Variants in BRF1 observed in about 807,000 individuals in gnomAD.
BRF1 encodes the protein BRF1 general transcription factor IIIB subunit.
BRF1 carries 59 observed loss-of-function variants against 81.7 expected under a neutral mutation model. The ratio of observed to expected loss-of-function variants is 0.72; its 90% CI spans 0.59 to 0.90. The LOEUF is 0.90. Ranked by LOEUF, BRF1 falls within the 40% of genes least tolerant of loss-of-function variation. The pLI is 0.00. For missense variants in BRF1, 1,050 were observed against 936.3 expected (o/e 1.12, Z -1.58); for synonymous variants, 491 against 395.6 (o/e 1.24, Z -2.86).
rs587675129 is a variant in BRF1 at position 105,315,113 on chromosome 14, C to T, written c.-162+209G>A. ...TCCTGGCCGCGGCCTCTGCGCGCCC[C>T]ATCCCCGGCCCGGGTCCCCCAGCGG... On this transcript the variant is annotated intron_variant, in intron 1 of 17. Coordinates refer to the BRF1 transcript ENST00000327359. This position sits in a 1 kb window ranked among gnomAD's most constrained non-coding sequence, Gnocchi z 4.4. The T allele has an allele frequency of 9.3e-5, 86 of 927,616 alleles. No homozygotes were observed. The African/African-American group carries it at 1.2e-3, about 13-fold the overall frequency. 57.5% of individuals were successfully genotyped at this position (927,616 alleles called of 1,614,324 possible).
chr14:105,288,253 G>GAT (rs1046115536), intron 1 of BRF1, among the ~76,000 whole-genome samples: 6 of 151,770 alleles, frequency 4.0e-5, no homozygotes, highest in African/African-American at 1.2e-4. Context: ...AGGAGATCGA[G>GAT]ACCATCTTGG....
rs587727567 is a variant in BRF1 at position 105,245,365 on chromosome 14, AAAAT to A, written c.545-3955_545-3952del. ...GACAGAGCAAGACTCCATCTCAAAA[AAAAT>A]AAATAAATAAATAAAGGAAGCAATG... On this transcript the variant is annotated intron_variant, in intron 5 of 17. Transcript: ENST00000547530. 3.0e-4 allele frequency among the ~76,000 whole-genome samples: 46 copies of A among 152,264 alleles called. No homozygotes were observed. The South Asian group carries it at 3.3e-3, about 11-fold the overall frequency.
intron 16 of BRF1, 41 bp downstream of exon 16, chr14:105,212,072 C>G: frequency 6.2e-7 from 1 of 1,606,316 alleles, no homozygotes; most frequent in South Asian, 1.1e-5. Flanking sequence ...AGTGGGCTGC[C>G]TCCCAAGGTC....
chr14:105,256,274 C>A, intron 4 of BRF1: 1 of 1,545,674 alleles, frequency 6.5e-7, no homozygotes. Flanking sequence ...AACACCCAAC[C>A]GTGCCCAGCA....
intron 1 of BRF1, among the ~76,000 whole-genome samples, chr14:105,291,518 C>T (rs1208630971): frequency 7.1e-6 from 1 of 140,784 alleles, no homozygotes; most frequent in Non-Finnish European, 1.6e-5. Context: ...TCTACTAAAA[C>T]ATACAAAAAA....
At chr14:105,254,638 T>C (rs1429202245) in intron 4 of BRF1, among the ~76,000 whole-genome samples, 2 of 152,146 alleles carry the variant, frequency 1.3e-5, no homozygotes, top group East Asian at 3.9e-4. Context: ...CGTGACTCAC[T>C]GCAACCTCCA....
chr14:105,256,181 C>A, intron 4 of BRF1: 3 of 1,525,366 alleles, frequency 2.0e-6, no homozygotes, highest in Non-Finnish European at 2.6e-6. Flanking sequence ...CTATACCAAA[C>A]TAGGTACTCA....
Position 105,211,956 on chromosome 14 carries a change from C to T in BRF1, c.1824+157G>A, listed in dbSNP as rs1890185032. On this transcript the variant is annotated intron_variant, in intron 16 of 17. Transcript: ENST00000547530. ...CAACCGGGAGCTCCCACCCTCGGGC[C>T]TCGATTCTCTGGCCATGCCAGGCAA... 7 of 1,145,770 alleles carry T rather than the reference C, an allele frequency of 6.1e-6. 1 individual carries two copies. The highest frequency in any genetic ancestry group is 7.5e-6 in the Non-Finnish European group (6 of 801,124). 71.0% of individuals were successfully genotyped at this position (1,145,770 alleles called of 1,614,324 possible).
intron 10 of BRF1, 42 bp downstream of exon 10, chr14:105,226,026 AC>A: frequency 6.5e-7 from 1 of 1,536,638 alleles, no homozygotes; most frequent in Non-Finnish European, 9.0e-7. Context: ...AGACTCTAGC[AC>A]ATTTTAAAGG....
At chr14:105,305,312 G>A (rs61996224), upstream of BRF1, among the ~76,000 whole-genome samples, 1 of 152,146 alleles carries the variant, frequency 6.6e-6, no homozygotes, top group African/African-American at 2.4e-5. Flanking sequence ...TGAGGTAGGA[G>A]GATTGCTTGA....
chr14:105,279,065 T>G, intron 2 of BRF1, among the ~76,000 whole-genome samples: 1 of 150,774 alleles, frequency 6.6e-6, no homozygotes, highest in African/African-American at 2.4e-5. Flanking sequence ...TAAAAATGAG[T>G]GGATGTGGTG....
chr14:105,216,293 G>A (rs1388770463), intron 15 of BRF1, among the ~76,000 whole-genome samples: 7 of 152,196 alleles, frequency 4.6e-5, no homozygotes, highest in Non-Finnish European at 8.8e-5. Context: ...CACCTCCAGC[G>A]CTGACAGAGG....
chr14:105,292,169 TTTTTG>T (rs1007304389), intron 1 of BRF1, among the ~76,000 whole-genome samples: 9 of 151,870 alleles, frequency 5.9e-5, no homozygotes, highest in Non-Finnish European at 1.2e-4. Flanking sequence ...GTTTTCTTAT[TTTTTG>T]TTTTCTTTGT....
At chr14:105,314,935 G>A in intron 1 of BRF1, 3 of 1,129,806 alleles carry the variant, frequency 2.7e-6, no homozygotes, top group Non-Finnish European at 2.2e-6. Flanking sequence ...GAGCGAGGCC[G>A]CCTCGGCCTC....
rs775078603 is a variant in BRF1, at chr14:105,219,163, G to C, written c.1447C>G (p.Arg483Gly). ...LWMRENAEYL[R>G]EQREKEARIA... ...GGGTGGCGCTTACCCCTCTGTTCCCGCAGGTACTCGGCGTTCTCCCTCATC... is the reference window on the plus strand; with the variant it reads ...GGGTGGCGCTTACCCCTCTGTTCCCCCAGGTACTCGGCGTTCTCCCTCATC... The change falls in exon 13 of 18, where the codon CGG becomes GGG. Residue 483 changes from arginine to glycine, a missense_variant. Coordinates refer to ENST00000547530, the MANE Select transcript of BRF1 (RefSeq NM_001519.4). The C allele has an allele frequency of 1.2e-6, 2 of 1,612,294 alleles. No homozygotes were observed. The highest frequency in any genetic ancestry group is 1.1e-5 in the South Asian group (1 of 91,030).
Position 105,256,201 on chromosome 14 carries a change from T to G in BRF1, c.471+317A>C, listed in dbSNP as rs587764039. 1.3e-4 allele frequency: 196 copies of G among 1,532,518 alleles called. 3 individuals carry two copies. In the South Asian group the frequency reaches 2.2e-3, roughly 18 times the overall value. 94.9% of individuals were successfully genotyped at this position (1,532,518 alleles called of 1,614,324 possible). ...CCAAACTAGGTACTCACAAAAAAAT[T>G]TTTTAATTGAAAATAATCTCCTTTG... On this transcript the variant is annotated intron_variant, in intron 4 of 17. Coordinates refer to ENST00000547530, the MANE Select transcript of BRF1 (RefSeq NM_001519.4).
In BRF1 at chr14:105,226,299, G is replaced by C. The variant is rs193245893; in HGVS notation, c.916-9C>G. 2 of 1,613,996 alleles carry C rather than the reference G, an allele frequency of 1.2e-6. No homozygotes were observed. The highest frequency in any genetic ancestry group is 3.3e-5 in the Admixed American group (2 of 60,024). ...GACAGGACTTGTTCAAGCTGAAAGGGAACAGGGCAAGAGGCTTCGTGAAGG... is the reference window on the plus strand; with the variant it reads ...GACAGGACTTGTTCAAGCTGAAAGGCAACAGGGCAAGAGGCTTCGTGAAGG... On this transcript the variant is annotated splice_polypyrimidine_tract_variant and intron_variant, in intron 8 of 17. Transcript: ENST00000547530.
intron 3 of BRF1, among the ~76,000 whole-genome samples, chr14:105,270,172 G>A (rs996263932): frequency 9.5e-6 from 1 of 105,734 alleles, no homozygotes; most frequent in Non-Finnish European, 1.8e-5. Context: ...ATGTTGAAAG[G>A]ACTTTTTTTT....
intron 10 of BRF1, among the ~76,000 whole-genome samples, chr14:105,222,722 G>A (rs587600032): frequency 3.3e-5 from 5 of 151,854 alleles, no homozygotes; most frequent in East Asian, 1.9e-4. Context: ...TCCGCCTCCC[G>A]GGTTCACGCC....
Sources: gnomAD v4.1 joint callset for allele counts (sites outside exome capture counted in the v4.1 genomes callset) on GRCh38, gnomAD v4.1.1 for gene constraint, Gnocchi (gnomAD v3.1) non-coding constraint, MANE v1.5 for transcripts, NCBI Gene and HGNC (gene_info 2026-07-23, HGNC 2026-07-21) for gene names.